The following DSP variants were observed in gnomAD, a reference collection of about 807,000 sequenced individuals.
DSP encodes the protein desmoplakin.
In DSP, 114 loss-of-function variants were observed where a neutral mutation model predicts 290.6. The ratio of observed to expected loss-of-function variants is 0.39; its 90% CI spans 0.34 to 0.46. The LOEUF (loss-of-function observed/expected upper bound fraction) is 0.46, where lower values mean the gene tolerates loss of function less well. Ranked by LOEUF, DSP falls within the 20% of genes least tolerant of loss-of-function variation. The pLI is 0.99. For missense variants in DSP, 3,230 were observed against 3,495.8 expected (o/e 0.92, Z 1.92); for synonymous variants, 1,311 against 1,316.4 (o/e 1.00, Z 0.09).
At chr6:7,554,902 G>T (rs1025084070) in intron 1 of DSP, among the ~76,000 whole-genome samples, 16 of 151,914 alleles carry the variant, frequency 1.1e-4, no homozygotes, top group Non-Finnish European at 4.4e-5. Context: ...CAGTCTGCCT[G>T]CCTTGGCTTC....
chr6:7,585,734 GTCCCGCTCCGGC>G lies in DSP; in HGVS notation c.8481_8492del (p.Ser2843_Arg2846del), dbSNP rs397516968. On this transcript the variant is annotated inframe_deletion, in exon 24 of 24. Coordinates refer to ENST00000379802, the MANE Select transcript of DSP (RefSeq NM_004415.4). ...CTTACAACATGTCTTCGGCTCCGGG[GTCCCGCTCCGGC>G]TCCCGCTCGGGATCTCGCTCCGGAT... 7.4e-6 allele frequency: 12 copies of G among 1,611,316 alleles called. 1 individual carries two copies. In the South Asian group the frequency reaches 1.2e-4, roughly 16 times the overall value.
In DSP at chr6:7,570,472, G is replaced by A. The variant is rs1561689422; in HGVS notation, c.1610G>A (p.Trp537Ter). 1 of 1,614,102 alleles carries A rather than the reference G, an allele frequency of 6.2e-7. No homozygotes were observed. Among genetic ancestry groups the A allele is most frequent in the Admixed American group, 1.7e-5 (1 of 60,018 alleles). The change falls in exon 13 of 24, where the codon TGG becomes TAG. Residue 537 changes from tryptophan (W) to a stop codon, truncating the protein, a stop_gained. Transcript: ENST00000379802. LOFTEE classifies it high-confidence loss of function. ...EQYYEAILALWNQLYINMKSL... is the reference protein window; with the variant it reads ...EQYYEAILAL The stretch of plus-strand genomic sequence containing the variant: ...TACTACGAAGCCATCTTGGCTCTGT[G>A]GAACCAGCTCTACATCAACATGAAG...
Position 7,584,156 on chromosome 6 carries a change from T to G in DSP, c.6894T>G (p.Thr2298=). 6.2e-7 allele frequency: 1 copy of G among 1,614,214 alleles called. No individual in the cohort carries two copies. The highest frequency in any genetic ancestry group is 8.5e-7 in the Non-Finnish European group (1 of 1,180,038). Residue 2298 remains threonine, a synonymous_variant, in exon 24 of 24, where the codon ACT becomes ACG. Transcript: ENST00000379802. The surrounding 1 kb of genome is among the most constrained non-coding windows in gnomAD (Gnocchi z 6.4). The stretch of plus-strand genomic sequence containing the variant: ...AGTTGCTGGAAGCCCAAGCAGCTAC[T>G]GGCTTTATAGTGGATCCTGTTAGCA... ...ALELLEAQAA[T]GFIVDPVSNL...
rs1173329405 is a variant in DSP, at chr6:7,568,542, A to T, written c.1372A>T (p.Asn458Tyr). The change falls in exon 11 of 24, where the codon AAT becomes TAT. Residue 458 changes from asparagine to tyrosine, a missense_variant. This residue lies in a region of DSP where 646 missense variants were observed against 684.3 expected (regional missense o/e 0.94). Coordinates refer to ENST00000379802, the MANE Select transcript of DSP (RefSeq NM_004415.4). ...GCCTCGTAACCCAGACTACAGAAGC[A>T]ATAAACCCATTATTCTCAGAGCTCT... Reference protein sequence around the residue: ...LKPRNPDYRSNKPIILRALCD... With the variant: ...LKPRNPDYRSYKPIILRALCD... The T allele has an allele frequency of 1.9e-6, 3 of 1,614,136 alleles. No individual in the cohort carries two copies. The highest frequency in any genetic ancestry group is 2.5e-6 in the Non-Finnish European group (3 of 1,180,044).
At chr6:7,581,713 C>G in intron 23 of DSP, 144 bp downstream of exon 23, 2 of 1,164,838 alleles carry the variant, frequency 1.7e-6, no homozygotes, top group South Asian at 1.5e-5. Flanking sequence ...TACTTCCTGT[C>G]ATAATCCAGG....
chr6:7,551,552 C>G (rs1050713711), intron 1 of DSP, among the ~76,000 whole-genome samples: 2 of 152,034 alleles, frequency 1.3e-5, no homozygotes, highest in African/African-American at 4.8e-5. Context: ...ATCACTTGAA[C>G]CCAGGATGTG....
intron 1 of DSP, among the ~76,000 whole-genome samples, chr6:7,553,911 A>G (rs6913983): frequency 6.6e-6 from 1 of 152,038 alleles, no homozygotes; most frequent in Non-Finnish European, 1.5e-5. Context: ...CCTTGCCTGC[A>G]GGGAGGAACC....
rs925260303 is a variant in DSP at position 7,541,783 on chromosome 6, G to A, written c.-133G>A. 5.1e-6 allele frequency: 6 copies of A among 1,187,258 alleles called. No homozygotes were observed. The African/African-American group carries it at 6.4e-5, about 13-fold the overall frequency. The allele number at this position is 1,187,258 out of a possible 1,614,324, so 73.5% of individuals were successfully genotyped here. A position where few individuals can be genotyped will look rare whatever the true frequency, so the allele number is the denominator to read the frequency against. ...CGGGAGGGCCCAGGTAGCGAGCAGC[G>A]ACCTCGCGAGCCTTCCGCACTCCCG... is the stretch of plus-strand genomic sequence containing the variant. On this transcript the variant is annotated 5_prime_UTR_variant, in exon 1 of 24. Transcript: ENST00000379802.
intron 1 of DSP, among the ~76,000 whole-genome samples, chr6:7,552,901 T>C (rs1169743662): frequency 6.6e-6 from 1 of 152,174 alleles, no homozygotes; most frequent in Admixed American, 6.5e-5. Flanking sequence ...GTCTAGTTCT[T>C]GGGTAAAAAG....
chr6:7,567,736 T>G (rs1758905830), intron 9 of DSP, 45 bp from the exon 10 acceptor site: 15 of 1,613,018 alleles, frequency 9.3e-6, no homozygotes, highest in Non-Finnish European at 1.3e-5. Context: ...ATGAAATTGC[T>G]CATTGAGTTG....
At chr6:7,568,413 G>A in intron 10 of DSP, 24 bp from the exon 11 acceptor site, 2 of 1,613,520 alleles carry the variant, frequency 1.2e-6, no homozygotes, top group Non-Finnish European at 1.7e-6. Context: ...CTATGTTTAA[G>A]TATGATTTTA....
At chr6:7,542,730 C>G (rs1416684529) in intron 1 of DSP, among the ~76,000 whole-genome samples, 9 of 152,212 alleles carry the variant, frequency 5.9e-5, no homozygotes, top group Admixed American at 6.5e-5. Flanking sequence ...GGGCGGCTGC[C>G]GGGCCCGGGT....
At position 7,583,972 on chromosome 6, in the gene DSP, A is replaced by C. The variant is rs1300505912; in HGVS notation, c.6710A>C (p.Glu2237Ala). The C allele has an allele frequency of 1.2e-6, 2 of 1,614,184 alleles. No individual in the cohort carries two copies. Among genetic ancestry groups the C allele is most frequent in the Non-Finnish European group, 8.5e-7 (1 of 1,180,032 alleles). ...ILRPSTVNEL[E>A]SGQISYDEVG... ...AGACCGTCCACTGTCAATGAACTGG[A>C]ATCTGGTCAGATTTCTTATGACGAG... The change falls in exon 24 of 24, where the codon GAA becomes GCA. Residue 2237 changes from glutamate to alanine, a missense_variant. Around this residue, in one of 5 missense-constraint regions of DSP, gnomAD observed 207 missense variants for 281.2 expected, o/e 0.74. Coordinates refer to ENST00000379802, the MANE Select transcript of DSP (RefSeq NM_004415.4). This position sits in a 1 kb window ranked among gnomAD's most constrained non-coding sequence, Gnocchi z 4.0.
At chr6:7,554,082 A>AACACACGCACACACACACAC (rs1758421720) in intron 1 of DSP, among the ~76,000 whole-genome samples, 1 of 115,898 alleles carries the variant, frequency 8.6e-6, no homozygotes, top group Non-Finnish European at 1.7e-5. Context: ...CTTTCTTTAA[A>AACACACGCACACACACACAC]ACACACACAC....
chr6:7,559,430 G>T (rs772411706), intron 4 of DSP, 30 bp downstream of exon 4: 2 of 1,611,884 alleles, frequency 1.2e-6, no homozygotes, highest in East Asian at 2.2e-5. Flanking sequence ...GCCCAAACCT[G>T]TGCAGGCCAG....
intron 2 of DSP, 138 bp from the exon 3 acceptor site, chr6:7,557,978 T>C (rs1758550978): frequency 2.8e-6 from 3 of 1,083,214 alleles, no homozygotes; most frequent in Non-Finnish European, 4.2e-6. Flanking sequence ...TACCTTCTTA[T>C]CTCAATAAGA....
rs779129603 is a variant in DSP at position 7,583,503 on chromosome 6, G to A, written c.6241G>A (p.Asp2081Asn). Residue 2081 changes from aspartate to asparagine, a missense_variant, in exon 24 of 24, where the codon GAT becomes AAT. Asp to Asn is a conservative substitution (Grantham distance 23). This residue lies in a region of DSP where 1,714 missense variants were observed against 1,844.5 expected (regional missense o/e 0.93). Transcript: ENST00000379802. The surrounding 1 kb of genome is among the most constrained non-coding windows in gnomAD (Gnocchi z 4.0). ...SAIARDLIDF[D>N]DRQQIYAAEK... The stretch of plus-strand genomic sequence containing the variant: ...CATAGCTCGGGACCTCATTGACTTC[G>A]ATGACCGTCAGCAGATATATGCAGC... The A allele has an allele frequency of 1.2e-5, 19 of 1,614,022 alleles. No homozygotes were observed. Among genetic ancestry groups the A allele is most frequent in the Middle Eastern group, 1.6e-4 (1 of 6,084 alleles).
chr6:7,542,205 C>T, intron 1 of DSP, 120 bp downstream of exon 1: 6 of 1,367,420 alleles, frequency 4.4e-6, no homozygotes, highest in Non-Finnish European at 6.0e-6. Context: ...GCCCCAGGTC[C>T]CGAAAGAACT....
At chr6:7,577,085 A>G (rs759796339) in intron 20 of DSP, 43 bp downstream of exon 20, 1 of 1,477,104 alleles carries the variant, frequency 6.8e-7, no homozygotes, top group South Asian at 1.2e-5. Flanking sequence ...CACCAAGATT[A>G]TTATTAACTG....
Sources: gnomAD v4.1 joint callset for allele counts (sites outside exome capture counted in the v4.1 genomes callset) on GRCh38, gnomAD v4.1.1 for gene constraint, gnomAD v4.1.1 regional missense constraint, Gnocchi (gnomAD v3.1) non-coding constraint, MANE v1.5 for transcripts, NCBI Gene and HGNC (gene_info 2026-07-23, HGNC 2026-07-21) for gene names.